SBNO1: variants seen among roughly 807,000 people sequenced by gnomAD.
SBNO1 encodes the protein protein strawberry notch homolog 1.
In SBNO1, 23 loss-of-function variants were observed where a neutral mutation model predicts 173.6. That is an observed-to-expected ratio of 0.13 (90% confidence interval 0.10 to 0.19). The LOEUF (loss-of-function observed/expected upper bound fraction) is 0.19, where lower values mean the gene tolerates loss of function less well. SBNO1 is among the 10% of genes least tolerant of loss of function. SBNO1 has a pLI of 1.00. For missense variants in SBNO1, 1,238 were observed against 1,671.2 expected (o/e 0.74, Z 4.52); for synonymous variants, 632 against 571.5 (o/e 1.11, Z -1.51).
At chr12:123,333,496 CAT>C (rs1401887592) in intron 7 of SBNO1, among the ~76,000 whole-genome samples, 1 of 151,906 alleles carries the variant, frequency 6.6e-6, no homozygotes, top group African/African-American at 2.4e-5. Context: ...CACACATATA[CAT>C]ATATATAATT....
At chr12:123,335,890 G>T (rs966279876) in intron 6 of SBNO1, among the ~76,000 whole-genome samples, 3 of 152,114 alleles carry the variant, frequency 2.0e-5, no homozygotes, top group Non-Finnish European at 2.9e-5. Context: ...TCTATCAGTA[G>T]TTGATAAAAA....
rs1868917541 is a variant in SBNO1, at chr12:123,313,794, T to C, written c.3121-75A>G. The C allele has an allele frequency of 6.0e-6, 5 of 836,600 alleles. No homozygotes were observed. The East Asian group carries it at 1.3e-4, about 22-fold the overall frequency. 51.8% of individuals were successfully genotyped at this position (836,600 alleles called of 1,614,324 possible). A position where few individuals can be genotyped will look rare whatever the true frequency, so the allele number is the denominator to read the frequency against. Reference sequence around the variant, plus strand: ...TTCAATCACATGACCACCTAAATACTATAAAAACTACTGGCTGGGTGCGGT... The same window carrying C: ...TTCAATCACATGACCACCTAAATACCATAAAAACTACTGGCTGGGTGCGGT... On this transcript the variant is annotated intron_variant, in intron 23 of 31. Coordinates refer to ENST00000602398, the MANE Select transcript of SBNO1 (RefSeq NM_001167856.3).
rs572419919 is a variant in SBNO1 at position 123,308,747 on chromosome 12, C to G, written c.3630+563G>C. Among the ~76,000 whole-genome samples the G allele has an allele frequency of 3.9e-5, 6 of 152,128 alleles. No individual in the cohort carries two copies. The East Asian group carries it at 9.7e-4, about 25-fold the overall frequency. On this transcript the variant is annotated intron_variant, in intron 28 of 31. Transcript: ENST00000602398. ...CTTTGGGAGGACAAGGCAGGCAGAT[C>G]ACCTGAGGTCAGGAGTTCGAGACCA... is the stretch of plus-strand genomic sequence containing the variant.
chr12:123,364,214 G>C, intron 1 of SBNO1: 5 of 985,614 alleles, frequency 5.1e-6, no homozygotes, highest in Non-Finnish European at 4.8e-6. Flanking sequence ...GGACGACCGC[G>C]TCGCCTGCCT....
rs1435615576 is a variant in SBNO1 at position 123,320,627 on chromosome 12, TA to T, written c.2492-21del. ...TGTTAGCTAGATAAAGAACATTTGC[TA>T]AAAGTTAGTACAAAGTTTAAATATT... On this transcript the variant is annotated intron_variant, in intron 18 of 31. Transcript: ENST00000602398. The T allele has an allele frequency of 6.2e-7, 1 of 1,601,998 alleles. No homozygotes were observed. The highest frequency in any genetic ancestry group is 1.4e-5 in the African/African-American group (1 of 74,056).
At chr12:123,350,618 C>T (rs1171115081) in intron 1 of SBNO1, among the ~76,000 whole-genome samples, 177 bp from the exon 2 acceptor site, 2 of 152,198 alleles carry the variant, frequency 1.3e-5, no homozygotes, top group Non-Finnish European at 2.9e-5. Context: ...ATCCCAAGCT[C>T]ACTCTAAAAT....
At position 123,339,909 on chromosome 12, in the gene SBNO1, A is replaced by AC. The variant is rs1197355508; in HGVS notation, c.651+1078dup. On this transcript the variant is annotated intron_variant, in intron 5 of 31. Transcript: ENST00000602398. ...ATTTTCACCGAAGCACATACTCACT[A>AC]CCTCCCCTCTGTGCCCATTAATCCT... 2.6e-5 allele frequency among the ~76,000 whole-genome samples: 4 copies of AC among 151,128 alleles called. No individual in the cohort carries two copies. In the East Asian group the frequency reaches 7.8e-4, roughly 29 times the overall value.
intron 2 of SBNO1, 31 bp from the exon 3 acceptor site, chr12:123,348,164 A>C (rs201792340): frequency 8.9e-4 from 4 of 4,510 alleles, no homozygotes; most frequent in South Asian, 7.7e-3. Context: ...GACAAAAAAT[A>C]AAAGGACAGC....
At chr12:123,336,827 C>T (rs1176430934) in intron 5 of SBNO1, among the ~76,000 whole-genome samples, 1 of 152,168 alleles carries the variant, frequency 6.6e-6, no homozygotes, top group Non-Finnish European at 1.5e-5. Flanking sequence ...CAGACTTCGC[C>T]TTCATTCTAG....
At position 123,350,369 on chromosome 12, in the gene SBNO1, C is replaced by G; in HGVS notation, c.73G>C (p.Asp25His). The G allele has an allele frequency of 6.2e-7, 1 of 1,614,122 alleles. No individual in the cohort carries two copies. The highest frequency in any genetic ancestry group is 8.5e-7 in the Non-Finnish European group (1 of 1,179,974). Residue 25 changes from aspartate (D) to histidine (H), a missense_variant, in exon 2 of 32, where the codon GAT (aspartate) becomes CAT (histidine). Physicochemically the swap from Asp to His is moderately conservative, Grantham distance 81. This residue lies in a region of SBNO1 where 287 missense variants were observed against 274.1 expected (regional missense o/e 1.05). Transcript: ENST00000602398. ...ESGISPNDLF[D>H]IDGGDAGLAT... ...AGCCCTGCATCTCCACCATCAATAT[C>G]AAAGAGGTCATTCGGACTAATTCCA... is the stretch of plus-strand genomic sequence containing the variant.
chr12:123,342,392 A>C (rs924630336), intron 4 of SBNO1, among the ~76,000 whole-genome samples: 1 of 152,132 alleles, frequency 6.6e-6, no homozygotes, highest in Non-Finnish European at 1.5e-5. Context: ...CAGAGCCTGC[A>C]ATGAGCCGAG....
At position 123,364,791 on chromosome 12, in the gene SBNO1, G is replaced by GGCGGCA; in HGVS notation, c.-97_-92dup. The GGCGGCA allele has an allele frequency of 6.1e-6, 6 of 987,614 alleles. No homozygotes were observed. Among genetic ancestry groups the GGCGGCA allele is most frequent in the Non-Finnish European group, 7.2e-6 (6 of 831,874 alleles). 61.2% of individuals were successfully genotyped at this position (987,614 alleles called of 1,614,324 possible). On this transcript the variant is annotated 5_prime_UTR_variant, in exon 1 of 32. Coordinates refer to ENST00000602398, the MANE Select transcript of SBNO1 (RefSeq NM_001167856.3). ...CGACTGGAGCGGAGGCGGCGGTGGC[G>GGCGGCA]GCGGCAGCAGCGGCGTCCTGCTCTG...
chr12:123,301,256 G>T (rs1241236779), intron 30 of SBNO1, among the ~76,000 whole-genome samples: 1 of 151,924 alleles, frequency 6.6e-6, no homozygotes, highest in African/African-American at 2.4e-5. Flanking sequence ...GATCCATCTC[G>T]ACCTCTCAAA....
Position 123,320,818 on chromosome 12 carries a change from T to C in SBNO1, c.2372A>G (p.Lys791Arg), listed in dbSNP as rs1223382979. The C allele has an allele frequency of 1.3e-6, 2 of 1,594,570 alleles. No individual in the cohort carries two copies. Among genetic ancestry groups the C allele is most frequent in the Non-Finnish European group, 1.7e-6 (2 of 1,171,544 alleles). The change falls in exon 18 of 32, where the codon AAG becomes AGG. Residue 791 changes from lysine (K) to arginine (R), a missense_variant. By Grantham distance (26) the Lys-to-Arg change is conservative. Around this residue, in one of 14 missense-constraint regions of SBNO1, gnomAD observed 33 missense variants for 29.6 expected, o/e 1.11. Transcript: ENST00000602398. The stretch of plus-strand genomic sequence containing the variant: ...AGAATCTGGATCTATACTTTTCTTC[T>C]TTTTTTTCTCTTTGTTTTTCTTGTG... ...KDHKKNKEKK[K>R]KKSIDPDSIQ...
chr12:123,350,860 G>GCAGTGGCCCGCA (rs11270010), intron 1 of SBNO1, among the ~76,000 whole-genome samples: 53 of 152,200 alleles, frequency 3.5e-4, no homozygotes, highest in South Asian at 6.2e-4. Context: ...GAGGCCAGAT[G>GCAGTGGCCCGCA]CCTGTAATCC....
chr12:123,316,243 T>C (rs936640970), intron 21 of SBNO1, among the ~76,000 whole-genome samples: 14 of 152,210 alleles, frequency 9.2e-5, no homozygotes, highest in African/African-American at 3.4e-4. Flanking sequence ...TTTTTGTTGT[T>C]GTTAGAGTTT....
intron 29 of SBNO1, among the ~76,000 whole-genome samples, chr12:123,303,995 C>T (rs75364398): frequency 0.053 from 6,729 of 127,814 alleles, 284 homozygotes; most frequent in East Asian, 0.28. Context: ...GGTGCAATCT[C>T]GGCTTACTGC....
At chr12:123,297,228 G>C (rs558506357) in intron 31 of SBNO1, among the ~76,000 whole-genome samples, 43 of 148,542 alleles carry the variant, frequency 2.9e-4, no homozygotes, top group Middle Eastern at 6.9e-3. Flanking sequence ...CAGGTGTGGT[G>C]GTGCATGCCT....
chr12:123,347,657 T>G (rs766569717), intron 3 of SBNO1, among the ~76,000 whole-genome samples: 1 of 152,086 alleles, frequency 6.6e-6, no homozygotes, highest in African/African-American at 2.4e-5. Flanking sequence ...GCCTCCCAAG[T>G]AGCTATGACT....
Sources: allele counts gnomAD v4.1 joint callset (sites outside exome capture counted in the v4.1 genomes callset), GRCh38; gene constraint gnomAD v4.1.1; regional missense constraint gnomAD v4.1.1; transcripts MANE v1.5; gene names NCBI Gene and HGNC (gene_info 2026-07-23, HGNC 2026-07-21).